The following IQSEC2 variants were observed in gnomAD, a reference collection of about 807,000 sequenced individuals.
IQSEC2 encodes IQ motif and SEC7 domain-containing protein 2.
Under a neutral mutation model 74.6 loss-of-function variants are expected in IQSEC2, and 6 were observed. That is an observed-to-expected ratio of 0.08 (90% CI 0.04 to 0.16). The LOEUF is 0.16. Among genes scored for constraint, IQSEC2 ranks in the 10% least tolerant of loss-of-function variants. The pLI, the probability that IQSEC2 is intolerant of heterozygous loss-of-function variation, is 1.00. For synonymous variants in IQSEC2, 494 were observed against 544.5 expected (o/e 0.91, Z 1.29); for missense variants, 734 against 1,306.2 (o/e 0.56, Z 6.75).
chrX:53,288,384 C>G (rs1450068659), intron 2 of IQSEC2, among the ~76,000 whole-genome samples: 1 of 105,699 alleles, frequency 9.5e-6, no homozygotes, highest in Non-Finnish European at 2.0e-5. Context: ...GTCAGCGGCT[C>G]CCCCACCCCC....
intron 2 of IQSEC2, among the ~76,000 whole-genome samples, chrX:53,278,943 C>A (rs2147246462): frequency 8.9e-6 from 1 of 112,091 alleles, no homozygotes; most frequent in East Asian, 2.8e-4. Flanking sequence ...TTTGGGAGGC[C>A]AAGGCGGGCG....
At chrX:53,308,461 T>C (rs1226286808) in intron 1 of IQSEC2, among the ~76,000 whole-genome samples, 2 of 111,588 alleles carry the variant, frequency 1.8e-5, no homozygotes, top group Admixed American at 1.9e-4. Flanking sequence ...GGCCCTGCGA[T>C]GACTAATAGT....
chrX:53,279,589 G>C, intron 2 of IQSEC2: 1 of 1,199,618 alleles, frequency 8.3e-7, no homozygotes, highest in Non-Finnish European at 1.1e-6. Flanking sequence ...CTGCCTGAGG[G>C]GGTAAGCTTC....
intron 1 of IQSEC2, among the ~76,000 whole-genome samples, chrX:53,309,290 G>A (rs1475133468): frequency 8.9e-6 from 1 of 112,158 alleles, no homozygotes; most frequent in East Asian, 2.8e-4. Flanking sequence ...AATGGGAAAA[G>A]TGGTTGCATC....
chrX:53,297,560 C>A (rs782510157), intron 1 of IQSEC2, among the ~76,000 whole-genome samples: 6 of 111,037 alleles, frequency 5.4e-5, no homozygotes, highest in African/African-American at 1.6e-4. Flanking sequence ...CTCCTGGGCT[C>A]AAGAGATTCA....
Position 53,320,522 on chromosome X carries a change from TCCCGCGGTGGCCGCGGCCCCACG to T in IQSEC2, c.579_601del (p.Val194AlafsTer37), listed in dbSNP as rs1556880008. 8.6e-7 allele frequency: 1 copy of T among 1,157,451 alleles called. No homozygotes were observed. Among genetic ancestry groups the T allele is most frequent in the Non-Finnish European group, 1.2e-6 (1 of 868,796 alleles). ...TGCGCCACGGCTCAGCTGGCCCCGC[TCCCGCGGTGGCCGCGGCCCCACG>T]CCCACCGCCGCCGAATAGCCCGCTT... On this transcript the variant is annotated frameshift_variant, in exon 1 of 15. Transcript: ENST00000642864. LOFTEE classifies it high-confidence loss of function.
downstream of IQSEC2, among the ~76,000 whole-genome samples, chrX:53,228,346 TGTA>T (rs1236864621): frequency 9.0e-6 from 1 of 111,618 alleles, no homozygotes; most frequent in Non-Finnish European, 1.9e-5. Context: ...GTGCTCCCCA[TGTA>T]GTAAGGCATT....
chrX:53,284,125 C>A (rs2075002615), intron 2 of IQSEC2, among the ~76,000 whole-genome samples: 1 of 110,844 alleles, frequency 9.0e-6, no homozygotes, highest in African/African-American at 3.3e-5. Flanking sequence ...TTGGGACAGG[C>A]ATGTGGGGTG....
At chrX:53,277,997 C>CTTTTTCT (rs1556869921) in intron 2 of IQSEC2, among the ~76,000 whole-genome samples, 6 of 73,948 alleles carry the variant, frequency 8.1e-5, no homozygotes, top group African/African-American at 3.3e-4. Context: ...CTTTTCTTTT[C>CTTTTTCT]TTTTTCTTTT....
chrX:53,291,631 A>C (rs1204544656), intron 2 of IQSEC2, among the ~76,000 whole-genome samples: 3 of 111,169 alleles, frequency 2.7e-5, no homozygotes, highest in African/African-American at 9.8e-5. Flanking sequence ...GGCAGCTCCT[A>C]TGAGCCCCTA....
chrX:53,313,365 A>C (rs1556878383), intron 1 of IQSEC2, among the ~76,000 whole-genome samples: 1 of 112,055 alleles, frequency 8.9e-6, no homozygotes, highest in Non-Finnish European at 1.9e-5. Flanking sequence ...AGAGTTACAC[A>C]AAGTCCTTCC....
chrX:53,245,635 C>T (rs144396921), intron 8 of IQSEC2, among the ~76,000 whole-genome samples: 1,292 of 110,087 alleles, frequency 0.012, 26 homozygotes, highest in African/African-American at 0.04. Flanking sequence ...TTTTCTTTGA[C>T]TCTATTTCCC....
At chrX:53,303,522 C>T (rs782728840) in intron 1 of IQSEC2, among the ~76,000 whole-genome samples, 1 of 111,316 alleles carries the variant, frequency 9.0e-6, no homozygotes, top group African/African-American at 3.3e-5. Context: ...AAAAGTAGGC[C>T]GGGCGTGGTG....
intron 2 of IQSEC2, among the ~76,000 whole-genome samples, chrX:53,270,776 T>C (rs112355242): frequency 1.2e-4 from 13 of 111,360 alleles, no homozygotes; most frequent in African/African-American, 3.9e-4. Context: ...CATGAACACT[T>C]GAACTTACTG....
At chrX:53,277,470 C>T (rs1460558152) in intron 2 of IQSEC2, among the ~76,000 whole-genome samples, 3 of 110,081 alleles carry the variant, frequency 2.7e-5, no homozygotes, top group South Asian at 3.9e-4. Context: ...CCACCCGCCT[C>T]GGCCTCCCAA....
Position 53,254,712 on chromosome X carries a change from C to T in IQSEC2, c.1219G>A (p.Glu407Lys). The T allele has an allele frequency of 8.3e-7, 1 of 1,207,088 alleles. No individual in the cohort carries two copies. Among genetic ancestry groups the T allele is most frequent in the South Asian group, 1.8e-5 (1 of 56,217 alleles). ...YEKAQNPAYF[E>K]GKPASLDEGA... ...TCGTCCAGCGAGGCAGGCTTGCCCT[C>T]GAAGTACGCGGGGTTCTGTGCCTTC... The change falls in exon 4 of 15, where the codon GAG becomes AAG. Residue 407 changes from glutamate (E) to lysine (K), a missense_variant. This residue lies in a region of IQSEC2 where 204 missense variants were observed against 305.4 expected (regional missense o/e 0.67). Coordinates refer to ENST00000642864, the MANE Select transcript of IQSEC2 (RefSeq NM_001111125.3).
chrX:53,303,869 G>A, intron 1 of IQSEC2, among the ~76,000 whole-genome samples: 1 of 109,763 alleles, frequency 9.1e-6, no homozygotes, highest in Non-Finnish European at 1.9e-5. Flanking sequence ...AGTGGCTCAC[G>A]CCTGCAATCC....
At chrX:53,227,630 C>T, downstream of IQSEC2, 2 of 311,177 alleles carry the variant, frequency 6.4e-6, no homozygotes, top group Admixed American at 5.6e-5. Context: ...GGTGGTGGTG[C>T]GTGGAAGAAA....
At chrX:53,301,165 A>G (rs2146465620) in intron 1 of IQSEC2, among the ~76,000 whole-genome samples, 1 of 112,359 alleles carries the variant, frequency 8.9e-6, no homozygotes, top group South Asian at 3.7e-4. Flanking sequence ...CTGGGAACAA[A>G]ATACTGTGAG....
Sources: allele counts gnomAD v4.1 joint callset (sites outside exome capture counted in the v4.1 genomes callset), GRCh38; gene constraint gnomAD v4.1.1; regional missense constraint gnomAD v4.1.1; transcripts MANE v1.5; gene names NCBI Gene and HGNC (gene_info 2026-07-23, HGNC 2026-07-21).